Variants in TASOR observed in about 807,000 individuals in gnomAD.
The protein encoded by TASOR is transcription activation suppressor.
Under a neutral mutation model 178.6 loss-of-function variants are expected in TASOR, and 53 were observed. The observed-to-expected ratio is 0.30, with a 90% CI of 0.24 to 0.37. The LOEUF (loss-of-function observed/expected upper bound fraction) is 0.37. TASOR is among the 10% of genes least tolerant of loss of function. TASOR has a pLI of 1.00. For synonymous variants in TASOR, 713 were observed against 696.2 expected (o/e 1.02, Z -0.38); for missense variants, 1,815 against 1,971.4 (o/e 0.92, Z 1.50).
intron 11 of TASOR, among the ~76,000 whole-genome samples, chr3:56,652,784 C>T (rs918444455): frequency 6.6e-6 from 1 of 152,068 alleles, no homozygotes; most frequent in Non-Finnish European, 1.5e-5. Flanking sequence ...AAATAAAAAA[C>T]ATTCCCTGTG....
At chr3:56,623,767 T>G (rs1306921755) in intron 23 of TASOR, 1 of 1,550,166 alleles carries the variant, frequency 6.5e-7, no homozygotes, top group African/African-American at 1.4e-5. Context: ...TGCTAAAAGC[T>G]TCTGCGAAAT....
chr3:56,682,942 C>A lies in TASOR; in HGVS notation c.65G>T (p.Gly22Val), dbSNP rs892315503. The change falls in exon 1 of 24, where the codon GGC (glycine) becomes GTC (valine). Residue 22 changes from glycine to valine, a missense_variant. Around this residue, in one of 5 missense-constraint regions of TASOR, gnomAD observed 244 missense variants for 202.7 expected, o/e 1.20. Transcript: ENST00000683822. ...PTDASWESGG[G>V]GDDEMKQALP... ...CGCCTGCTTCATCTCGTCGTCTCCG[C>A]CGCCGCCACTTTCCCAACTCGCATC... 1 of 1,549,754 alleles carries A rather than the reference C, an allele frequency of 6.5e-7. No individual in the cohort carries two copies. Among genetic ancestry groups the A allele is most frequent in the African/African-American group, 1.4e-5 (1 of 73,032 alleles).
chr3:56,674,251 A>C lies in TASOR; in HGVS notation c.332-526T>G, dbSNP rs567848521. Among the ~76,000 whole-genome samples, 11 of 148,318 alleles carry C rather than the reference A, an allele frequency of 7.4e-5. 1 individual carries two copies. In the South Asian group the frequency reaches 2.4e-3, roughly 32 times the overall value. ...CTTGGTGGCTCATGCTTGTAATTCC[A>C]GCTCTTTGGGAGGCCAAGGCAGCAA... On this transcript the variant is annotated intron_variant, in intron 1 of 23. Transcript: ENST00000683822.
chr3:56,637,694 C>A (rs548747710), intron 17 of TASOR, among the ~76,000 whole-genome samples: 17 of 151,346 alleles, frequency 1.1e-4, no homozygotes, highest in African/African-American at 4.1e-4. Context: ...AAATAAATAA[C>A]TACAAAGATG....
intron 1 of TASOR, among the ~76,000 whole-genome samples, chr3:56,678,066 G>A (rs1057275328): frequency 5.3e-5 from 8 of 151,946 alleles, no homozygotes; most frequent in East Asian, 3.9e-4. Context: ...TAATTCAAAC[G>A]AGGAAACTGA....
Position 56,641,752 on chromosome 3 carries a change from T to C in TASOR, c.2216A>G (p.Glu739Gly). ...AAGTGAGCCAATAGGCTGTGGAGAC[T>C]CTGAGAAAAAGGAAGTCATTGGTTG... ...NLSENCHLYE[E>G]SPQPIGSLGH... Residue 739 changes from glutamate (E) to glycine (G), a missense_variant and splice_region_variant, in exon 15 of 24, where the codon GAG becomes GGG. Physicochemically the swap from Glu to Gly is moderately conservative, Grantham distance 98. This residue lies in a region of TASOR where 655 missense variants were observed against 671.1 expected (regional missense o/e 0.98). Coordinates refer to ENST00000683822, the MANE Select transcript of TASOR (RefSeq NM_001365635.2). 1 of 1,588,038 alleles carries C rather than the reference T, an allele frequency of 6.3e-7. No homozygotes were observed. Among genetic ancestry groups the C allele is most frequent in the Non-Finnish European group, 8.6e-7 (1 of 1,164,828 alleles).
At position 56,624,815 on chromosome 3, in the gene TASOR, G is replaced by GT; in HGVS notation, c.4318+12dup. The GT allele has an allele frequency of 1.9e-6, 3 of 1,612,774 alleles. No homozygotes were observed. The highest frequency in any genetic ancestry group is 2.5e-6 in the Non-Finnish European group (3 of 1,179,116). On this transcript the variant is annotated intron_variant, in intron 22 of 23. Coordinates refer to ENST00000683822, the MANE Select transcript of TASOR (RefSeq NM_001365635.2). The stretch of plus-strand genomic sequence containing the variant: ...TATATTCATAGTAGAAAGCTTAGGA[G>GT]TGCTCTCTTTACCTGTTAAAAAGAC...
rs1244883712 is a variant in TASOR at position 56,624,507 on chromosome 3, A to C, written c.4455T>G (p.Gly1485=). 13 of 1,613,928 alleles carry C rather than the reference A, an allele frequency of 8.1e-6. No individual in the cohort carries two copies. Among genetic ancestry groups the C allele is most frequent in the Non-Finnish European group, 1.1e-5 (13 of 1,179,992 alleles). Residue 1485 remains glycine (G), a synonymous_variant, in exon 23 of 24, where the codon GGT becomes GGG. Transcript: ENST00000683822. ...ACTGCGACTCAAGATTCTCATTAGCACCAAGCTGTGGAAGGTTTTCTTCTG... is the reference window on the plus strand; with the variant it reads ...ACTGCGACTCAAGATTCTCATTAGCCCCAAGCTGTGGAAGGTTTTCTTCTG... The part of the protein sequence containing the change: ...SITEENLPQL[G]ANENLESQSA...
At chr3:56,628,998 C>A in intron 18 of TASOR, 1 of 144,408 alleles carries the variant, frequency 6.9e-6, no homozygotes, top group Non-Finnish European at 1.5e-5. Context: ...GTCTTAAATT[C>A]CTGGGCTCGA....
chr3:56,670,284 T>C, intron 3 of TASOR, 139 bp from the exon 4 acceptor site: 1 of 498,652 alleles, frequency 2.0e-6, no homozygotes, highest in Non-Finnish European at 3.6e-6. Context: ...TCTTATATAT[T>C]TGCCACTTTA....
At position 56,664,731 on chromosome 3, in the gene TASOR, C is replaced by T. The variant is rs999354464; in HGVS notation, c.1023-1159G>A. On this transcript the variant is annotated intron_variant, in intron 7 of 23. Transcript: ENST00000683822. ...GACATTTGACCATCTCACCTACATC[C>T]CTATAAATATACTTATTCCATTTGG... Among the ~76,000 whole-genome samples, 7 of 152,270 alleles carry T rather than the reference C, an allele frequency of 4.6e-5. 1 individual carries two copies. The highest frequency in any genetic ancestry group is 1.3e-4 in the Admixed American group (2 of 15,294).
intron 1 of TASOR, among the ~76,000 whole-genome samples, chr3:56,681,603 C>A (rs1429767557): frequency 1.3e-5 from 2 of 152,050 alleles, no homozygotes; most frequent in Non-Finnish European, 2.9e-5. Flanking sequence ...GACTCTGTAC[C>A]AGATGGATGG....
chr3:56,658,916 A>AAAGAG (rs1553727688), intron 11 of TASOR, among the ~76,000 whole-genome samples: 3 of 149,472 alleles, frequency 2.0e-5, no homozygotes, highest in South Asian at 4.3e-4. Flanking sequence ...TCAAAAAAAA[A>AAAGAG]AGAGAGAGAG....
rs116062809 is a variant in TASOR, at chr3:56,628,345, T to C, written c.3870+147A>G. The stretch of plus-strand genomic sequence containing the variant: ...TTTAAAATTTTGCATAGGTACAAAC[T>C]TGAATCTCACAAGCTGATTCACAGA... On this transcript the variant is annotated intron_variant, in intron 19 of 23. Coordinates refer to ENST00000683822, the MANE Select transcript of TASOR (RefSeq NM_001365635.2). 774 of 699,148 alleles carry C rather than the reference T, an allele frequency of 1.1e-3. 2 individuals are homozygous for C. The African/African-American group carries it at 0.011, about 10-fold the overall frequency. The allele number at this position is 699,148 out of a possible 1,614,324, so 43.3% of individuals were successfully genotyped here.
At chr3:56,635,655 T>C (rs1226993511) in intron 17 of TASOR, among the ~76,000 whole-genome samples, 1 of 152,194 alleles carries the variant, frequency 6.6e-6, no homozygotes, top group African/African-American at 2.4e-5. Flanking sequence ...TTCTGAATTA[T>C]TTATTAGACA....
intron 14 of TASOR, among the ~76,000 whole-genome samples, chr3:56,642,564 G>A (rs1420619598): frequency 1.3e-5 from 2 of 152,186 alleles, no homozygotes; most frequent in Non-Finnish European, 2.9e-5. Context: ...AGTGCATACT[G>A]TATGACTCTA....
intron 7 of TASOR, among the ~76,000 whole-genome samples, chr3:56,664,839 G>C (rs1478591502): frequency 6.6e-6 from 1 of 152,020 alleles, no homozygotes; most frequent in Non-Finnish European, 1.5e-5. Context: ...GAGCTTTTAA[G>C]AAATACTCAG....
At chr3:56,637,335 G>A (rs1413098641) in intron 17 of TASOR, among the ~76,000 whole-genome samples, 2 of 152,090 alleles carry the variant, frequency 1.3e-5, no homozygotes, top group Non-Finnish European at 2.9e-5. Flanking sequence ...TAGCCTGGCC[G>A]ACAAGGTGAA....
At position 56,646,843 on chromosome 3, in the gene TASOR, A is replaced by G; in HGVS notation, c.1894T>C (p.Phe632Leu). 5 of 1,607,192 alleles carry G rather than the reference A, an allele frequency of 3.1e-6. No homozygotes were observed. Among genetic ancestry groups the G allele is most frequent in the Non-Finnish European group, 4.2e-6 (5 of 1,178,442 alleles). The stretch of plus-strand genomic sequence containing the variant: ...CCTTCATAATCTGAAAGTGGACTAA[A>G]CTGCTGAAGTTTTCTATTTTCTTCA... ...LFEENRKLQQFSPLSDYEGQE... is the reference protein window; with the variant it reads ...LFEENRKLQQLSPLSDYEGQE... Residue 632 changes from phenylalanine to leucine, a missense_variant, in exon 14 of 24, where the codon TTT (phenylalanine) becomes CTT (leucine). By Grantham distance (22) the Phe-to-Leu change is conservative. Transcript: ENST00000683822.
Sources: gnomAD v4.1 joint callset for allele counts (sites outside exome capture counted in the v4.1 genomes callset) on GRCh38, gnomAD v4.1.1 for gene constraint, gnomAD v4.1.1 regional missense constraint, MANE v1.5 for transcripts, NCBI Gene and HGNC (gene_info 2026-07-23, HGNC 2026-07-21) for gene names.